Variants in HSDL2 observed in about 807,000 individuals in gnomAD.
HSDL2 encodes hydroxysteroid dehydrogenase-like protein 2.
A neutral mutation model predicts 46.3 loss-of-function variants in HSDL2; 27 were observed. The ratio of observed to expected loss-of-function variants is 0.58; its 90% confidence interval spans 0.43 to 0.80. The LOEUF is 0.80. Among genes scored for constraint, HSDL2 ranks in the 30% least tolerant of loss-of-function variants. HSDL2 has a pLI of 0.00. For missense variants in HSDL2, 451 were observed against 502.7 expected (o/e 0.90, Z 0.98); for synonymous variants, 153 against 163.6 (o/e 0.94, Z 0.50).
intron 4 of HSDL2, among the ~76,000 whole-genome samples, chr9:112,409,612 T>C (rs1353225111): frequency 1.3e-5 from 2 of 152,128 alleles, no homozygotes; most frequent in African/African-American, 2.4e-5. Flanking sequence ...AGGGGAGTAT[T>C]ATTGGAGGCC....
At chr9:112,417,665 A>C (rs1444387549) in intron 5 of HSDL2, among the ~76,000 whole-genome samples, 5 of 152,146 alleles carry the variant, frequency 3.3e-5, no homozygotes, top group Non-Finnish European at 7.3e-5. Context: ...ATGGGAACCC[A>C]CAGAGCAAAA....
At chr9:112,443,435 T>C (rs1440572997) in intron 8 of HSDL2, among the ~76,000 whole-genome samples, 1 of 152,228 alleles carries the variant, frequency 6.6e-6, no homozygotes, top group Non-Finnish European at 1.5e-5. Flanking sequence ...TTTAAACTCA[T>C]ATTTCTCTGA....
chr9:112,432,942 A>AT lies in HSDL2; in HGVS notation c.599-5478dup, dbSNP rs1029858730. Among the ~76,000 whole-genome samples the AT allele has an allele frequency of 4.0e-3, 579 of 145,544 alleles. 3 individuals carry two copies. Among genetic ancestry groups the AT allele is most frequent in the African/African-American group, 8.8e-3 (352 of 39,814 alleles). ...ACCACCACACCTGGCTAATTTTTGT[A>AT]TTTTTTTTTTTAGTAGAGACAGGGG... On this transcript the variant is annotated intron_variant, in intron 6 of 10. Transcript: ENST00000398805.
At chr9:112,466,151 TATC>T (rs1833372275) in intron 10 of HSDL2, among the ~76,000 whole-genome samples, 1 of 152,258 alleles carries the variant, frequency 6.6e-6, no homozygotes, top group Non-Finnish European at 1.5e-5. Context: ...TGACAAATGA[TATC>T]ATACTTTTTT....
chr9:112,459,549 T>C lies in HSDL2; in HGVS notation c.1116T>C (p.Thr372=). ...AGGCAGATGTGGTGATGAGTATGAC[T>C]ACTGATGACTTTGTAAAAATGTTTT... ...SDQADVVMSM[T]TDDFVKMFSG... is the part of the protein sequence containing the mutation. The change falls in exon 10 of 11, where the codon ACT becomes ACC. Residue 372 remains threonine (T), a synonymous_variant. Transcript: ENST00000398805. 3 of 1,613,664 alleles carry C rather than the reference T, an allele frequency of 1.9e-6. No homozygotes were observed. Among genetic ancestry groups the C allele is most frequent in the Non-Finnish European group, 2.5e-6 (3 of 1,179,556 alleles).
intron 6 of HSDL2, among the ~76,000 whole-genome samples, chr9:112,428,373 G>GT (rs1428299530): frequency 6.6e-6 from 1 of 152,162 alleles, no homozygotes; most frequent in Non-Finnish European, 1.5e-5. Context: ...TTTCCTTTAT[G>GT]TTTCTGTAGC....
chr9:112,398,410 C>T (rs1036184981), intron 1 of HSDL2, among the ~76,000 whole-genome samples: 2 of 151,838 alleles, frequency 1.3e-5, no homozygotes, highest in Non-Finnish European at 2.9e-5. Flanking sequence ...TAGATATGGT[C>T]CTGGGCTGTC....
chr9:112,449,514 T>G (rs1297222487), intron 8 of HSDL2, among the ~76,000 whole-genome samples: 2 of 152,166 alleles, frequency 1.3e-5, no homozygotes, highest in African/African-American at 4.8e-5. Context: ...AGCTTTTCTC[T>G]TTTCTGATTA....
chr9:112,408,694 C>G (rs991812637), intron 3 of HSDL2, among the ~76,000 whole-genome samples: 1 of 151,992 alleles, frequency 6.6e-6, no homozygotes, highest in African/African-American at 2.4e-5. Context: ...AAGTATGTAT[C>G]TGAACAAACT....
At chr9:112,395,017 T>TGA (rs891987677) in intron 1 of HSDL2, among the ~76,000 whole-genome samples, 8 of 152,212 alleles carry the variant, frequency 5.3e-5, no homozygotes, top group Admixed American at 1.3e-4. Flanking sequence ...ACAGAAAGTG[T>TGA]AAGGAGGAGA....
intron 1 of HSDL2, among the ~76,000 whole-genome samples, chr9:112,389,460 AT>A (rs60291761): frequency 0.038 from 5,844 of 152,056 alleles, 287 homozygotes; most frequent in East Asian, 0.1. Context: ...ATATGTGAAT[AT>A]TTTTTTTGTA....
chr9:112,408,890 G>T lies in HSDL2; in HGVS notation c.281-17G>T. On this transcript the variant is annotated splice_polypyrimidine_tract_variant and intron_variant, in intron 3 of 10. Coordinates refer to ENST00000398805, the MANE Select transcript of HSDL2 (RefSeq NM_032303.5). ...AAAAGTCTTTCATTAAAATGAAATT[G>T]ATTATTTTGAAAACAGGAATTGATA... The T allele has an allele frequency of 7.6e-7, 1 of 1,314,420 alleles. No homozygotes were observed. The allele number at this position is 1,314,420 out of a possible 1,614,324, so 81.4% of individuals were successfully genotyped here.
At chr9:112,466,493 C>T (rs1472884440) in intron 10 of HSDL2, among the ~76,000 whole-genome samples, 1 of 150,882 alleles carries the variant, frequency 6.6e-6, no homozygotes, top group Admixed American at 6.6e-5. Context: ...GCGGAGGCTG[C>T]AGTGAGCCAA....
At chr9:112,445,965 A>G (rs972779249) in intron 8 of HSDL2, among the ~76,000 whole-genome samples, 3 of 152,232 alleles carry the variant, frequency 2.0e-5, no homozygotes, top group African/African-American at 7.2e-5. Context: ...GTTAGAATTG[A>G]TGAATCTGTA....
chr9:112,425,676 G>A (rs1037937596), intron 6 of HSDL2, among the ~76,000 whole-genome samples: 1 of 152,110 alleles, frequency 6.6e-6, no homozygotes, highest in Non-Finnish European at 1.5e-5. Flanking sequence ...CTGTATTCCA[G>A]ATTCTCAATT....
chr9:112,409,022 G>C lies in HSDL2; in HGVS notation c.395+1G>C. ...TGAACACCAGAGGCACCTACCTTGC[G>C]TAAGTTTGCAAGAAGAGTTGTTGGG... On this transcript the variant is annotated splice_donor_variant, in intron 4 of 10. Transcript: ENST00000398805. LOFTEE classifies it high-confidence loss of function. 6.4e-7 allele frequency: 1 copy of C among 1,551,150 alleles called. No homozygotes were observed. The highest frequency in any genetic ancestry group is 8.9e-7 in the Non-Finnish European group (1 of 1,128,256).
At chr9:112,428,067 T>C (rs1042011258) in intron 6 of HSDL2, among the ~76,000 whole-genome samples, 4 of 152,222 alleles carry the variant, frequency 2.6e-5, no homozygotes, top group African/African-American at 9.6e-5. Context: ...TGCTATGTAC[T>C]GGATAAAGGG....
chr9:112,388,613 G>T (rs1587925849), intron 1 of HSDL2, among the ~76,000 whole-genome samples: 1 of 151,654 alleles, frequency 6.6e-6, no homozygotes, highest in African/African-American at 2.4e-5. Flanking sequence ...AATTAGCCAG[G>T]TGTGGTGGTG....
chr9:112,409,564 T>C (rs978283933), intron 4 of HSDL2, among the ~76,000 whole-genome samples: 5 of 152,134 alleles, frequency 3.3e-5, no homozygotes, highest in African/African-American at 1.2e-4. Flanking sequence ...GTAGGCTGAG[T>C]GCAGTGGCTC....
Sources: allele counts gnomAD v4.1 joint callset (sites outside exome capture counted in the v4.1 genomes callset), GRCh38; gene constraint gnomAD v4.1.1; transcripts MANE v1.5; gene names NCBI Gene and HGNC (gene_info 2026-07-23, HGNC 2026-07-21).